KLHL32: variants seen among roughly 807,000 people sequenced by gnomAD.
The protein encoded by KLHL32 is kelch-like protein 32.
KLHL32 carries 35 observed loss-of-function variants against 64.8 expected under a neutral mutation model. The ratio of observed to expected loss-of-function variants is 0.54; its 90% CI spans 0.41 to 0.72. The LOEUF (loss-of-function observed/expected upper bound fraction) is 0.72, where lower values mean the gene tolerates loss of function less well. KLHL32 is among the 30% of genes least tolerant of loss of function. KLHL32 has a pLI of 0.00. For missense variants in KLHL32, 589 were observed against 768.5 expected, an observed-to-expected ratio of 0.77 and a Z score of 2.76; for synonymous variants, 259 against 281.0, an observed-to-expected ratio of 0.92 and a Z score of 0.78.
At chr6:97,111,471 T>A (rs1368274217) in intron 6 of KLHL32, among the ~76,000 whole-genome samples, 1 of 152,178 alleles carries the variant, frequency 6.6e-6, no homozygotes, top group Non-Finnish European at 1.5e-5. Context: ...TCGAACCCGC[T>A]GCACCCAACC....
intron 3 of KLHL32, among the ~76,000 whole-genome samples, chr6:96,983,790 C>G (rs1439021741): frequency 6.6e-6 from 1 of 152,062 alleles, no homozygotes; most frequent in African/African-American, 2.4e-5. Flanking sequence ...ATTAGTCTTG[C>G]TAGCGGTCTA....
At chr6:97,046,274 C>T (rs1222448477) in intron 4 of KLHL32, among the ~76,000 whole-genome samples, 5 of 152,146 alleles carry the variant, frequency 3.3e-5, no homozygotes, top group African/African-American at 4.8e-5. Context: ...AGATGACAGG[C>T]CCAGGGAAAT....
At chr6:96,976,788 G>A (rs957056556) in intron 3 of KLHL32, among the ~76,000 whole-genome samples, 11 of 151,932 alleles carry the variant, frequency 7.2e-5, no homozygotes, top group African/African-American at 1.5e-4. Flanking sequence ...TAGTAGAGAC[G>A]GGGTCTCACC....
At chr6:97,096,100 A>G (rs745590143) in intron 6 of KLHL32, among the ~76,000 whole-genome samples, 1 of 152,134 alleles carries the variant, frequency 6.6e-6, no homozygotes. Flanking sequence ...TTTTTACCTT[A>G]TTAGTTATAT....
At chr6:97,052,369 T>C (rs995575357) in intron 4 of KLHL32, among the ~76,000 whole-genome samples, 2 of 152,264 alleles carry the variant, frequency 1.3e-5, no homozygotes, top group Admixed American at 6.5e-5. Context: ...ACTCTTGGTA[T>C]TATACAATTC....
rs750242567 is a variant in KLHL32, at chr6:97,055,796, T to TAAA, written c.313-8808_313-8806dup. Among the ~76,000 whole-genome samples the TAAA allele has an allele frequency of 5.7e-3, 459 of 81,006 alleles. 70 individuals are homozygous for TAAA. The highest frequency in any genetic ancestry group is 0.025 in the South Asian group (50 of 2,016). The allele number at this position is 81,006 out of a possible 152,430, so 53.1% of individuals were successfully genotyped here. On this transcript the variant is annotated intron_variant, in intron 4 of 10. Transcript: ENST00000369261. Reference sequence around the variant, plus strand: ...CGAGGTAACAGACTGAGAACCTGTCTAAAAAAAAAAAAAAAAAAAAAAAAA... The same window carrying TAAA: ...CGAGGTAACAGACTGAGAACCTGTCTAAAAAAAAAAAAAAAAAAAAAAAAAAAA...
intron 3 of KLHL32, among the ~76,000 whole-genome samples, chr6:97,028,544 T>G (rs1783058541): frequency 6.6e-6 from 1 of 152,194 alleles, no homozygotes. Flanking sequence ...TAAATAAATT[T>G]CCTTTTTTCA....
chr6:96,935,797 T>C lies in KLHL32; in HGVS notation c.-66+10771T>C, dbSNP rs556323835. Reference sequence around the variant, plus strand: ...TTTAGAATTAAAAGAAAGGAAAATCTCTGTTTTACATCAGGAAATGACAGT... The same window carrying C: ...TTTAGAATTAAAAGAAAGGAAAATCCCTGTTTTACATCAGGAAATGACAGT... On this transcript the variant is annotated intron_variant, in intron 1 of 10. Coordinates refer to ENST00000369261, the MANE Select transcript of KLHL32 (RefSeq NM_052904.4). 3.9e-5 allele frequency among the ~76,000 whole-genome samples: 6 copies of C among 152,210 alleles called. No homozygotes were observed. In the East Asian group the frequency reaches 7.7e-4, roughly 20 times the overall value.
At chr6:97,034,860 TGTTA>T (rs1265269338) in intron 3 of KLHL32, among the ~76,000 whole-genome samples, 1 of 152,088 alleles carries the variant, frequency 6.6e-6, no homozygotes, top group African/African-American at 2.4e-5. Context: ...CAAAAAACTT[TGTTA>T]AACTCATTTA....
chr6:97,017,288 C>G (rs1343040123), intron 3 of KLHL32, among the ~76,000 whole-genome samples: 1 of 152,212 alleles, frequency 6.6e-6, no homozygotes, highest in Non-Finnish European at 1.5e-5. Flanking sequence ...AAAGATTTGA[C>G]TTGAACTCAG....
chr6:96,934,163 G>T (rs1005630007), intron 1 of KLHL32, among the ~76,000 whole-genome samples: 25 of 152,162 alleles, frequency 1.6e-4, no homozygotes, highest in African/African-American at 5.3e-4. Flanking sequence ...CTGCAAATAC[G>T]TGCACTCTAG....
chr6:97,033,680 C>T (rs1009162983), intron 3 of KLHL32, among the ~76,000 whole-genome samples: 3 of 152,070 alleles, frequency 2.0e-5, no homozygotes, highest in Non-Finnish European at 2.9e-5. Flanking sequence ...TACAACCTCA[C>T]CAACACTTAT....
intron 3 of KLHL32, among the ~76,000 whole-genome samples, chr6:97,009,168 G>T (rs898152967): frequency 2.0e-5 from 3 of 150,976 alleles, no homozygotes; most frequent in African/African-American, 7.3e-5. Context: ...CATACTAGAT[G>T]TTAAACTGAT....
At chr6:97,129,004 A>G (rs1799159899) in intron 8 of KLHL32, among the ~76,000 whole-genome samples, 1 of 152,240 alleles carries the variant, frequency 6.6e-6, no homozygotes, top group Non-Finnish European at 1.5e-5. Context: ...GTAATGTATT[A>G]TAGATATTAG....
upstream of KLHL32, among the ~76,000 whole-genome samples, chr6:96,922,504 T>G (rs1768781047): frequency 1.4e-5 from 1 of 71,524 alleles, no homozygotes; most frequent in Non-Finnish European, 3.0e-5. Context: ...GACTCACACT[T>G]TAAAAAAAAA....
intron 5 of KLHL32, among the ~76,000 whole-genome samples, chr6:97,070,450 A>G (rs1179612492): frequency 6.6e-6 from 1 of 152,102 alleles, no homozygotes; most frequent in African/African-American, 2.4e-5. Flanking sequence ...TTAGGGTCCC[A>G]ATTAATTTTT....
chr6:96,934,927 C>G (rs1770396972), intron 1 of KLHL32, among the ~76,000 whole-genome samples: 1 of 152,120 alleles, frequency 6.6e-6, no homozygotes, highest in South Asian at 2.1e-4. Context: ...AGCAGAGAGA[C>G]TACAGTTTCA....
the KLHL32 span, among the ~76,000 whole-genome samples, chr6:96,901,286 A>C: frequency 6.6e-6 from 1 of 151,940 alleles, no homozygotes; most frequent in Non-Finnish European, 1.5e-5. Context: ...ATTTTTAAGG[A>C]TAAAATCAAG....
chr6:96,964,533 G>A (rs920948047), intron 1 of KLHL32, among the ~76,000 whole-genome samples: 3 of 152,084 alleles, frequency 2.0e-5, no homozygotes, highest in African/African-American at 7.2e-5. Context: ...GGCGCCTGTA[G>A]TCCCAGCTAC....
Sources: gnomAD v4.1 joint callset for allele counts (sites outside exome capture counted in the v4.1 genomes callset) on GRCh38, gnomAD v4.1.1 for gene constraint, MANE v1.5 for transcripts, NCBI Gene and HGNC (gene_info 2026-07-23, HGNC 2026-07-21) for gene names.